The following HCN1 variants were observed in gnomAD, a reference collection of about 807,000 sequenced individuals.
HCN1 encodes the protein potassium/sodium hyperpolarization-activated cyclic nucleotide-gated channel 1.
In HCN1, 13 loss-of-function variants were observed where a neutral mutation model predicts 78.9. The observed-to-expected ratio is 0.16, with a 90% CI of 0.11 to 0.26. The LOEUF is 0.26. Ranked by LOEUF, HCN1 falls within the 10% of genes least tolerant of loss-of-function variation. The probability of loss-of-function intolerance (pLI) is 1.00; values close to 1 mark genes in which losing one functional copy is unlikely to be tolerated. For synonymous variants in HCN1, 552 were observed against 455.5 expected (o/e 1.21, Z -2.70); for missense variants, 810 against 1,154.3 (o/e 0.70, Z 4.32).
rs889136250 is a variant in HCN1 at position 45,292,406 on chromosome 5, GT to G, written c.1618+11192del. Reference sequence around the variant, plus strand: ...TTGACAGTGGCTAGCTTTTTTAACCGTGTTAAATTTACAACATTTTCATCAC... The same window carrying G: ...TTGACAGTGGCTAGCTTTTTTAACCGGTTAAATTTACAACATTTTCATCAC... On this transcript the variant is annotated intron_variant, in intron 6 of 7. Transcript: ENST00000303230. Among the ~76,000 whole-genome samples the G allele has an allele frequency of 6.9e-4, 105 of 151,840 alleles. 1 individual carries two copies. The highest frequency in any genetic ancestry group is 2.5e-3 in the African/African-American group (102 of 41,382).
At chr5:45,625,673 T>C (rs1745150876) in intron 2 of HCN1, among the ~76,000 whole-genome samples, 1 of 151,976 alleles carries the variant, frequency 6.6e-6, no homozygotes, top group South Asian at 2.1e-4. Context: ...CTAAAAGGGA[T>C]ATGAAAAACA....
chr5:45,513,676 G>A (rs76939197), intron 2 of HCN1, among the ~76,000 whole-genome samples: 2,549 of 152,232 alleles, frequency 0.017, 67 homozygotes, highest in African/African-American at 0.057. Flanking sequence ...TAGGTTGCAC[G>A]TTACCCTTAT....
At chr5:45,485,484 T>C (rs1186728340) in intron 2 of HCN1, among the ~76,000 whole-genome samples, 2 of 152,172 alleles carry the variant, frequency 1.3e-5, no homozygotes, top group Non-Finnish European at 2.9e-5. Flanking sequence ...GACTAAACAA[T>C]AAAACAAAAC....
intron 4 of HCN1, among the ~76,000 whole-genome samples, chr5:45,388,775 T>C (rs1010751814): frequency 6.6e-6 from 1 of 152,144 alleles, no homozygotes; most frequent in African/African-American, 2.4e-5. Flanking sequence ...AATCATATAG[T>C]TCTTTAAGTT....
intron 6 of HCN1, among the ~76,000 whole-genome samples, chr5:45,291,679 T>G (rs533690974): frequency 6.6e-6 from 1 of 152,024 alleles, no homozygotes; most frequent in East Asian, 1.9e-4. Flanking sequence ...TAGTTGTATG[T>G]GCTACCACAT....
chr5:45,365,730 G>A lies in HCN1; in HGVS notation c.1231-12484C>T, dbSNP rs376637281. ...AAGCAGTGGGATTACTGGGTTGAAC[G>A]GTAGTTCTATTTTTAGTTCTTTGAG... On this transcript the variant is annotated intron_variant, in intron 4 of 7. Transcript: ENST00000303230. 1.1e-4 allele frequency among the ~76,000 whole-genome samples: 17 copies of A among 151,786 alleles called. No homozygotes were observed. The East Asian group carries it at 1.4e-3, about 12-fold the overall frequency.
chr5:45,561,888 T>C (rs1455486003), intron 2 of HCN1, among the ~76,000 whole-genome samples: 1 of 152,094 alleles, frequency 6.6e-6, no homozygotes, highest in Admixed American at 6.6e-5. Context: ...GCTGTGAGGG[T>C]GATGCACTCT....
At chr5:45,573,492 A>G (rs1421113785) in intron 2 of HCN1, among the ~76,000 whole-genome samples, 1 of 152,124 alleles carries the variant, frequency 6.6e-6, no homozygotes, top group Non-Finnish European at 1.5e-5. Context: ...AAATTGTTAA[A>G]AAAACACTGT....
chr5:45,305,891 T>C (rs1745725380), intron 5 of HCN1, among the ~76,000 whole-genome samples: 2 of 149,324 alleles, frequency 1.3e-5, no homozygotes, highest in Admixed American at 6.7e-5. Context: ...GGAAGGAAGG[T>C]GGAGTCTCAG....
At chr5:45,349,368 A>C (rs1175521549) in intron 5 of HCN1, among the ~76,000 whole-genome samples, 1 of 152,238 alleles carries the variant, frequency 6.6e-6, no homozygotes, top group Non-Finnish European at 1.5e-5. Flanking sequence ...GGACACATTC[A>C]AAGTAGTGTG....
At chr5:45,314,626 T>G (rs1030826761) in intron 5 of HCN1, among the ~76,000 whole-genome samples, 1 of 152,126 alleles carries the variant, frequency 6.6e-6, no homozygotes, top group African/African-American at 2.4e-5. Context: ...ATTAATGTGC[T>G]GTGTTCCATT....
intron 1 of HCN1, among the ~76,000 whole-genome samples, chr5:45,691,034 T>G (rs1056177874): frequency 3.3e-5 from 5 of 152,118 alleles, no homozygotes; most frequent in Non-Finnish European, 5.9e-5. Flanking sequence ...ATAGGTGCAT[T>G]GAGTATAATA....
intron 3 of HCN1, among the ~76,000 whole-genome samples, chr5:45,446,356 G>A (rs903738127): frequency 7.9e-5 from 12 of 152,056 alleles, no homozygotes; most frequent in East Asian, 1.9e-4. Context: ...AAAAAGAAAC[G>A]AACAAAGCCT....
chr5:45,397,629 A>G (rs889530265), intron 3 of HCN1, among the ~76,000 whole-genome samples: 17 of 151,702 alleles, frequency 1.1e-4, no homozygotes, highest in Admixed American at 8.5e-4. Context: ...AAAATGCGGG[A>G]AAAAAACTTA....
At chr5:45,501,681 C>G (rs1168623657) in intron 2 of HCN1, among the ~76,000 whole-genome samples, 1 of 152,138 alleles carries the variant, frequency 6.6e-6, no homozygotes. Context: ...CCCGGGAGAT[C>G]CGCACGCCTC....
intron 2 of HCN1, among the ~76,000 whole-genome samples, chr5:45,605,868 C>T (rs1040702358): frequency 5.9e-5 from 9 of 151,950 alleles, no homozygotes; most frequent in South Asian, 2.1e-4. Flanking sequence ...TTTGAAAAGA[C>T]ATTTTGTGAG....
chr5:45,648,316 C>A (rs563880973), intron 1 of HCN1, among the ~76,000 whole-genome samples: 3 of 152,260 alleles, frequency 2.0e-5, no homozygotes, highest in African/African-American at 7.2e-5. Flanking sequence ...AAAGAAAGCA[C>A]CATTCATTCT....
intron 5 of HCN1, among the ~76,000 whole-genome samples, chr5:45,310,119 A>G (rs1745821127): frequency 6.6e-6 from 1 of 152,060 alleles, no homozygotes; most frequent in South Asian, 2.1e-4. Flanking sequence ...AAGATTTTAT[A>G]ATGAAGACCC....
At chr5:45,312,640 C>T (rs912369063) in intron 5 of HCN1, among the ~76,000 whole-genome samples, 4 of 152,184 alleles carry the variant, frequency 2.6e-5, no homozygotes, top group Admixed American at 2.6e-4. Flanking sequence ...TGACAGACAG[C>T]ACCTGGAAAA....
Sources: allele counts gnomAD v4.1 joint callset (sites outside exome capture counted in the v4.1 genomes callset), GRCh38; gene constraint gnomAD v4.1.1; transcripts MANE v1.5; gene names NCBI Gene and HGNC (gene_info 2026-07-23, HGNC 2026-07-21).